TRIM5: variants seen among roughly 807,000 people sequenced by gnomAD.
The protein encoded by TRIM5 is tripartite motif-containing protein 5.
TRIM5 carries 31 observed loss-of-function variants against 35.6 expected under a neutral mutation model. The observed-to-expected ratio is 0.87, with a 90% CI of 0.65 to 1.18. The LOEUF (loss-of-function observed/expected upper bound fraction) is 1.18, where lower values mean the gene tolerates loss of function less well. Among genes scored for constraint, TRIM5 ranks in the 50% most tolerant of loss-of-function variants. TRIM5 has a pLI of 0.00. For synonymous variants in TRIM5, 243 were observed against 215.6 expected (o/e 1.13, Z -1.11); for missense variants, 609 against 591.6 (o/e 1.03, Z -0.31).
chr11:5,592,053 T>C, the TRIM5 span, among the ~76,000 whole-genome samples: 1 of 152,178 alleles, frequency 6.6e-6, no homozygotes, highest in Non-Finnish European at 1.5e-5. Flanking sequence ...CTATAGTTAA[T>C]GTTAGGACTT....
chr11:5,654,633 T>G, the TRIM5 span, among the ~76,000 whole-genome samples: 10 of 152,148 alleles, frequency 6.6e-5, no homozygotes, highest in African/African-American at 2.4e-4. Flanking sequence ...TGGGTGAGTG[T>G]GGGTTTGTAC....
chr11:5,635,286 C>G, the TRIM5 span, among the ~76,000 whole-genome samples: 14 of 146,008 alleles, frequency 9.6e-5, no homozygotes, highest in African/African-American at 3.3e-4. Flanking sequence ...GACGGAGTCT[C>G]GCTCTGTCTC....
At chr11:5,656,864 G>A in the TRIM5 span, among the ~76,000 whole-genome samples, 1 of 152,186 alleles carries the variant, frequency 6.6e-6, no homozygotes, top group East Asian at 1.9e-4. Flanking sequence ...CTGTAGGTGG[G>A]AGTATAAATT....
At chr11:5,669,080 C>CTTT (rs34310528) in intron 4 of TRIM5, among the ~76,000 whole-genome samples, 18,664 of 132,958 alleles carry the variant, frequency 0.14, 1,839 homozygotes, top group African/African-American at 0.28. Context: ...GGTCTACATT[C>CTTT]TTTTTTTTTT....
At chr11:5,636,913 G>A in the TRIM5 span, among the ~76,000 whole-genome samples, 3 of 152,298 alleles carry the variant, frequency 2.0e-5, no homozygotes, top group African/African-American at 4.8e-5. Flanking sequence ...TTGGGAGGCC[G>A]AGGTGGGTGG....
chr11:5,648,374 C>T, the TRIM5 span, among the ~76,000 whole-genome samples: 2 of 151,904 alleles, frequency 1.3e-5, no homozygotes, highest in Non-Finnish European at 2.9e-5. Context: ...GGCGTGGTGG[C>T]GGGTGCCTGT....
At chr11:5,655,557 T>C in the TRIM5 span, 1 of 844,916 alleles carries the variant, frequency 1.2e-6, no homozygotes, top group East Asian at 1.2e-4. Flanking sequence ...ATATGTATTA[T>C]TTCAGTAAGA....
At chr11:5,634,374 G>GA in the TRIM5 span, among the ~76,000 whole-genome samples, 1 of 151,054 alleles carries the variant, frequency 6.6e-6, no homozygotes, top group South Asian at 2.1e-4. Flanking sequence ...AAAATAGTAG[G>GA]AAAAAATAGC....
At chr11:5,643,519 T>C in the TRIM5 span, 2 of 1,614,224 alleles carry the variant, frequency 1.2e-6, no homozygotes, top group African/African-American at 1.3e-5. Flanking sequence ...ACTCTCTCCA[T>C]GGCTGTGCCT....
chr11:5,634,549 T>TA, the TRIM5 span: 1 of 789,540 alleles, frequency 1.3e-6, no homozygotes, highest in Non-Finnish European at 1.8e-6. Flanking sequence ...ATATATATAT[T>TA]TCCCTACTGG....
downstream of TRIM5, among the ~76,000 whole-genome samples, chr11:5,659,181 C>CG (rs1850732248): frequency 6.6e-6 from 1 of 152,092 alleles, no homozygotes. Flanking sequence ...CACATGTCCG[C>CG]GGGGCCCACA....
At chr11:5,650,094 C>A in the TRIM5 span, among the ~76,000 whole-genome samples, 1 of 152,178 alleles carries the variant, frequency 6.6e-6, no homozygotes, top group African/African-American at 2.4e-5. Context: ...ATGAGGCATT[C>A]TGTAAGTCTG....
chr11:5,621,736 C>A, the TRIM5 span, among the ~76,000 whole-genome samples: 4 of 152,198 alleles, frequency 2.6e-5, no homozygotes, highest in Admixed American at 1.3e-4. Context: ...TGCTCACTGA[C>A]ATAAATGCCT....
At chr11:5,606,649 T>C in the TRIM5 span, among the ~76,000 whole-genome samples, 1 of 152,210 alleles carries the variant, frequency 6.6e-6, no homozygotes, top group Non-Finnish European at 1.5e-5. Context: ...GTCCTCATCA[T>C]TGATATTATT....
chr11:5,608,850 T>G, the TRIM5 span, among the ~76,000 whole-genome samples: 5 of 139,690 alleles, frequency 3.6e-5, no homozygotes, highest in Admixed American at 2.8e-4. Flanking sequence ...CCCATAAATT[T>G]TTTTTTTTTT....
the TRIM5 span, chr11:5,641,219 G>T: frequency 1.2e-6 from 2 of 1,613,760 alleles, no homozygotes; most frequent in Admixed American, 3.3e-5. Context: ...AGTGGTGCTT[G>T]TGAGTTATAA....
the TRIM5 span, chr11:5,604,696 A>G: frequency 1.3e-6 from 2 of 1,530,786 alleles, no homozygotes; most frequent in African/African-American, 2.8e-5. Flanking sequence ...AGCTGAGGGC[A>G]AAGGAGTCCT....
intron 4 of TRIM5, among the ~76,000 whole-genome samples, chr11:5,676,844 C>A (rs1385085166): frequency 8.0e-5 from 12 of 150,432 alleles, no homozygotes; most frequent in East Asian, 3.9e-4. Flanking sequence ...GAAAAACAAG[C>A]AATGGGGAAA....
chr11:5,651,643 C>T, the TRIM5 span, among the ~76,000 whole-genome samples: 1 of 151,990 alleles, frequency 6.6e-6, no homozygotes, highest in Admixed American at 6.6e-5. Context: ...ATTTATATTC[C>T]TTTGTGTATA....
Sources: allele counts gnomAD v4.1 joint callset (sites outside exome capture counted in the v4.1 genomes callset), GRCh38; gene constraint gnomAD v4.1.1; transcripts MANE v1.5; gene names NCBI Gene and HGNC (gene_info 2026-07-23, HGNC 2026-07-21).